RPS6KC1: variants seen among roughly 807,000 people sequenced by gnomAD.
The protein encoded by RPS6KC1 is inactive ribosomal protein S6 kinase delta-1.
A neutral mutation model predicts 103.8 loss-of-function variants in RPS6KC1; 54 were observed. The ratio of observed to expected loss-of-function variants is 0.52; its 90% CI spans 0.42 to 0.65. The LOEUF (loss-of-function observed/expected upper bound fraction) is 0.65, where lower values mean the gene tolerates loss of function less well. Among genes scored for constraint, RPS6KC1 ranks in the 30% least tolerant of loss-of-function variants. The probability of loss-of-function intolerance (pLI) is 0.00; values close to 1 mark genes in which losing one functional copy is unlikely to be tolerated. For synonymous variants in RPS6KC1, 439 were observed against 438.7 expected, an observed-to-expected ratio of 1.00 and a Z score of -0.01; for missense variants, 1,151 against 1,253.8, an observed-to-expected ratio of 0.92 and a Z score of 1.24.
At position 213,230,526 on chromosome 1, in the gene RPS6KC1, A is replaced by G. The variant is rs776325707; in HGVS notation, c.1074A>G (p.Glu358=). ...KVLLVMDTRT[E]QTFILKGLRK... ...TACTTGTAATGGACACAAGGACAGAACAGACTTTCATTTTAAAAGTAAGTA... is the reference window on the plus strand; with the variant it reads ...TACTTGTAATGGACACAAGGACAGAGCAGACTTTCATTTTAAAAGTAAGTA... The change falls in exon 9 of 15, where the codon GAA becomes GAG. Residue 358 remains glutamate (E), a synonymous_variant. Transcript: ENST00000366960. 1.6e-5 allele frequency: 26 copies of G among 1,605,974 alleles called. No homozygotes were observed. The highest frequency in any genetic ancestry group is 2.1e-5 in the Non-Finnish European group (25 of 1,175,766).
At chr1:213,588,611 T>C in the RPS6KC1 span, among the ~76,000 whole-genome samples, 1 of 152,106 alleles carries the variant, frequency 6.6e-6, no homozygotes, top group South Asian at 2.1e-4. Flanking sequence ...TGTCTCTTAA[T>C]ACTATTGCAT....
At chr1:213,549,935 T>C in the RPS6KC1 span, among the ~76,000 whole-genome samples, 1 of 151,848 alleles carries the variant, frequency 6.6e-6, no homozygotes, top group Admixed American at 6.6e-5. Context: ...TACTTAAGCT[T>C]CTAGGGTATT....
At chr1:213,584,422 G>A in the RPS6KC1 span, among the ~76,000 whole-genome samples, 1 of 152,168 alleles carries the variant, frequency 6.6e-6, no homozygotes, top group East Asian at 1.9e-4. Flanking sequence ...CTCAAATAGG[G>A]ACATCTGGTA....
At chr1:213,493,880 G>A in the RPS6KC1 span, among the ~76,000 whole-genome samples, 1 of 152,118 alleles carries the variant, frequency 6.6e-6, no homozygotes, top group Non-Finnish European at 1.5e-5. Context: ...GTCCTACATT[G>A]TTTCAGAGTT....
chr1:213,503,821 A>C, the RPS6KC1 span, among the ~76,000 whole-genome samples: 1 of 152,198 alleles, frequency 6.6e-6, no homozygotes, highest in Non-Finnish European at 1.5e-5. Flanking sequence ...TGAGCTGCTA[A>C]GACTTTCTGG....
At chr1:213,115,015 T>C (rs1031953643) in intron 4 of RPS6KC1, among the ~76,000 whole-genome samples, 4 of 152,184 alleles carry the variant, frequency 2.6e-5, no homozygotes, top group African/African-American at 9.7e-5. Flanking sequence ...TAAAATTCTC[T>C]TTTTTTGTTG....
At chr1:213,415,992 A>G in the RPS6KC1 span, among the ~76,000 whole-genome samples, 1 of 152,320 alleles carries the variant, frequency 6.6e-6, no homozygotes, top group East Asian at 1.9e-4. Flanking sequence ...GAAGCTCTGG[A>G]AAGGAGAAGT....
At chr1:213,152,322 AG>A (rs2089221431) in intron 6 of RPS6KC1, among the ~76,000 whole-genome samples, 1 of 120,026 alleles carries the variant, frequency 8.3e-6, no homozygotes, top group Non-Finnish European at 1.7e-5. Flanking sequence ...CTGGCCGGGC[AG>A]GGGGCTGACC....
rs1464094016 is a variant in RPS6KC1 at position 213,272,771 on chromosome 1, A to G, written c.*137A>G. 4.8e-6 allele frequency: 3 copies of G among 626,080 alleles called. No individual in the cohort carries two copies. Among genetic ancestry groups the G allele is most frequent in the East Asian group, 2.9e-5 (1 of 34,576 alleles). 38.8% of individuals were successfully genotyped at this position (626,080 alleles called of 1,614,324 possible). A position where few individuals can be genotyped will look rare whatever the true frequency, so the allele number is the denominator to read the frequency against. On this transcript the variant is annotated 3_prime_UTR_variant, in exon 15 of 15. Transcript: ENST00000366960. ...AAGACCGTTATAGGAAATGGGGGGG[A>G]AATGGCTAAAAGAGAACAATTCGTT...
the RPS6KC1 span, among the ~76,000 whole-genome samples, chr1:213,793,588 T>A: frequency 6.6e-6 from 1 of 151,976 alleles, no homozygotes; most frequent in Non-Finnish European, 1.5e-5. Context: ...CTGGATAACA[T>A]TGAGTCAAGG....
the RPS6KC1 span, among the ~76,000 whole-genome samples, chr1:213,410,186 T>C: frequency 3.3e-5 from 5 of 152,060 alleles, no homozygotes; most frequent in South Asian, 1.0e-3. Context: ...GACTTGAGCA[T>C]GTTTAGGATG....
chr1:213,750,842 G>A, the RPS6KC1 span, among the ~76,000 whole-genome samples: 1 of 152,144 alleles, frequency 6.6e-6, no homozygotes, highest in African/African-American at 2.4e-5. Flanking sequence ...AAGGAAACAG[G>A]TTTATTTTGA....
the RPS6KC1 span, among the ~76,000 whole-genome samples, chr1:213,514,873 A>C: frequency 2.6e-5 from 4 of 152,162 alleles, no homozygotes; most frequent in African/African-American, 9.7e-5. Flanking sequence ...CTATTTCTCC[A>C]CATCCTCTCC....
the RPS6KC1 span, among the ~76,000 whole-genome samples, chr1:213,816,901 A>G: frequency 4.6e-5 from 7 of 152,174 alleles, no homozygotes; most frequent in Non-Finnish European, 2.9e-5. Context: ...AACCCTTGCA[A>G]CCATGCCTCG....
intron 10 of RPS6KC1, among the ~76,000 whole-genome samples, chr1:213,233,521 T>G (rs1430262193): frequency 6.6e-6 from 1 of 152,216 alleles, no homozygotes; most frequent in African/African-American, 2.4e-5. Context: ...TTACCCAGTG[T>G]GGATTATTCA....
the RPS6KC1 span, among the ~76,000 whole-genome samples, chr1:213,347,856 C>T: frequency 6.6e-6 from 1 of 152,182 alleles, no homozygotes; most frequent in Non-Finnish European, 1.5e-5. Flanking sequence ...CCCCCATCTG[C>T]AAAGTCTGCT....
At chr1:213,511,530 C>T in the RPS6KC1 span, among the ~76,000 whole-genome samples, 3 of 152,162 alleles carry the variant, frequency 2.0e-5, no homozygotes, top group Non-Finnish European at 4.4e-5. Context: ...GATTCCTTCA[C>T]CCCTCTGCTC....
the RPS6KC1 span, among the ~76,000 whole-genome samples, chr1:213,611,661 C>T: frequency 0.095 from 14,442 of 152,180 alleles, 872 homozygotes; most frequent in East Asian, 0.18. Flanking sequence ...TGCTAATGTG[C>T]GTTTTGCATC....
chr1:213,715,463 T>A, the RPS6KC1 span, among the ~76,000 whole-genome samples: 2 of 152,178 alleles, frequency 1.3e-5, no homozygotes, highest in Non-Finnish European at 2.9e-5. Context: ...CCTTGACTGA[T>A]GTGTCCAAAT....
Sources: gnomAD v4.1 joint callset for allele counts (sites outside exome capture counted in the v4.1 genomes callset) on GRCh38, gnomAD v4.1.1 for gene constraint, MANE v1.5 for transcripts, NCBI Gene and HGNC (gene_info 2026-07-23, HGNC 2026-07-21) for gene names.